The following SORL1 variants were observed in gnomAD, a reference collection of about 807,000 sequenced individuals.
SORL1 encodes sortilin-related receptor.
Under a neutral mutation model 273.7 loss-of-function variants are expected in SORL1, and 127 were observed. The observed-to-expected ratio is 0.46, with a 90% CI of 0.40 to 0.54. The LOEUF is 0.54. Among genes scored for constraint, SORL1 ranks in the 20% least tolerant of loss-of-function variants. SORL1 has a pLI of 0.00. For synonymous variants in SORL1, 1,031 were observed against 1,067.4 expected (o/e 0.97, Z 0.66); for missense variants, 2,494 against 2,846.1 (o/e 0.88, Z 2.81).
At chr11:121,494,675 G>C (rs972430498) in intron 5 of SORL1, among the ~76,000 whole-genome samples, 1 of 152,216 alleles carries the variant, frequency 6.6e-6, no homozygotes, top group Non-Finnish European at 1.5e-5. Flanking sequence ...GCAGCTTGCA[G>C]AAATGGGAGG....
intron 3 of SORL1, among the ~76,000 whole-genome samples, chr11:121,479,577 C>T (rs2134797047): frequency 6.6e-6 from 1 of 152,244 alleles, no homozygotes; most frequent in Admixed American, 6.5e-5. Flanking sequence ...CTGGAGGAGG[C>T]TGGGTCCTGG....
intron 2 of SORL1, among the ~76,000 whole-genome samples, chr11:121,473,280 G>A (rs1861200806): frequency 6.6e-6 from 1 of 152,074 alleles, no homozygotes; most frequent in South Asian, 2.1e-4. Context: ...CCAAAGTCAT[G>A]CATATTCAGT....
Position 121,567,088 on chromosome 11 carries a change from C to A in SORL1, c.3198C>A (p.Leu1066=). 6.2e-7 allele frequency: 1 copy of A among 1,613,948 alleles called. No homozygotes were observed. The part of the protein sequence containing the change: ...LMCDCPQGYQ[L]KNNTCVKQEN... ...GTGACTGCCCTCAGGGCTATCAGCT[C>A]AAGAACAATACCTGTGTCAAACAAG... Residue 1066 remains leucine (L), a synonymous_variant, in exon 22 of 48, where the codon CTC becomes CTA. Coordinates refer to ENST00000260197, the MANE Select transcript of SORL1 (RefSeq NM_003105.6).
intron 39 of SORL1, chr11:121,612,038 G>A (rs776662761): frequency 6.6e-6 from 1 of 152,460 alleles, no homozygotes; most frequent in Non-Finnish European, 1.5e-5. Flanking sequence ...CTACTTGGAG[G>A]CTGGGGCAGG....
chr11:121,627,474 G>C lies in SORL1; in HGVS notation c.6365-81G>C. 5.2e-6 allele frequency: 6 copies of C among 1,148,916 alleles called. 1 individual carries two copies. The highest frequency in any genetic ancestry group is 5.2e-6 in the Non-Finnish European group (4 of 774,456). The allele number at this position is 1,148,916 out of a possible 1,614,324, so 71.2% of individuals were successfully genotyped here. On this transcript the variant is annotated intron_variant, in intron 46 of 47. Coordinates refer to ENST00000260197, the MANE Select transcript of SORL1 (RefSeq NM_003105.6). This position sits in a 1 kb window ranked among gnomAD's most constrained non-coding sequence, Gnocchi z 4.9. Reference sequence around the variant, plus strand: ...CTGTGGCTATCGCCCAGCTTTTTTTGGTGGGTGGGGCCTTGAGGAGTCATC... The same window carrying C: ...CTGTGGCTATCGCCCAGCTTTTTTTCGTGGGTGGGGCCTTGAGGAGTCATC...
chr11:121,476,005 A>G (rs1861261874), intron 2 of SORL1, among the ~76,000 whole-genome samples: 2 of 152,234 alleles, frequency 1.3e-5, no homozygotes, highest in Non-Finnish European at 2.9e-5. Context: ...GGTTTTTCAG[A>G]TGAAGAGAGA....
At chr11:121,511,763 T>C (rs546470943) in intron 6 of SORL1, among the ~76,000 whole-genome samples, 1 of 152,354 alleles carries the variant, frequency 6.6e-6, no homozygotes, top group South Asian at 2.1e-4. Context: ...CTTTATCAGC[T>C]GGGTCCTCAC....
At chr11:121,509,419 A>G (rs934882483) in intron 6 of SORL1, among the ~76,000 whole-genome samples, 1 of 152,088 alleles carries the variant, frequency 6.6e-6, no homozygotes, top group Non-Finnish European at 1.5e-5. Context: ...TCTTGACACA[A>G]TCTCAAATAT....
intron 6 of SORL1, among the ~76,000 whole-genome samples, chr11:121,498,683 C>T (rs1465790903): frequency 6.6e-6 from 1 of 152,042 alleles, no homozygotes; most frequent in Non-Finnish European, 1.5e-5. Flanking sequence ...TGAGACGAGC[C>T]TGGTCAACAT....
chr11:121,466,919 A>G (rs1190323323), intron 1 of SORL1, among the ~76,000 whole-genome samples: 2 of 152,222 alleles, frequency 1.3e-5, no homozygotes, highest in African/African-American at 4.8e-5. Flanking sequence ...CTTATGAGTA[A>G]AAGGGACATC....
chr11:121,562,451 A>G (rs147133353), intron 21 of SORL1, among the ~76,000 whole-genome samples: 1 of 152,330 alleles, frequency 6.6e-6, no homozygotes, highest in African/African-American at 2.4e-5. Flanking sequence ...AATGTATAAG[A>G]TTTAAATTGC....
rs1398256909 is a variant in SORL1 at position 121,632,780 on chromosome 11, C to CA, written c.*3218dup. On this transcript the variant is annotated 3_prime_UTR_variant, in exon 48 of 48. Transcript: ENST00000260197. The stretch of plus-strand genomic sequence containing the variant: ...ACTGCATCTAGTAAGATTATATTTC[C>CA]AGTACACTTCCTTAGGGCAGAAACA... 2.0e-5 allele frequency: 3 copies of CA among 152,070 alleles called. No homozygotes were observed. Among genetic ancestry groups the CA allele is most frequent in the African/African-American group, 7.2e-5 (3 of 41,380 alleles). 9.4% of individuals were successfully genotyped at this position (152,070 alleles called of 1,614,324 possible). A position where few individuals can be genotyped will look rare whatever the true frequency, so the allele number is the denominator to read the frequency against.
At position 121,627,263 on chromosome 11, in the gene SORL1, C is replaced by T. The variant is rs1457770147; in HGVS notation, c.6365-292C>T. ...GCTAATGAAATCAATGTTGATACCC[C>T]AACAAAGGTCTCCCTTCCAAGAGAT... is the stretch of plus-strand genomic sequence containing the variant. On this transcript the variant is annotated intron_variant, in intron 46 of 47. Transcript: ENST00000260197. The surrounding 1 kb of genome is among the most constrained non-coding windows in gnomAD (Gnocchi z 4.9). The T allele has an allele frequency of 1.5e-5, 6 of 400,286 alleles. No homozygotes were observed. The highest frequency in any genetic ancestry group is 2.3e-5 in the Non-Finnish European group (5 of 219,692). The allele number at this position is 400,286 out of a possible 1,614,324, so 24.8% of individuals were successfully genotyped here. A position where few individuals can be genotyped will look rare whatever the true frequency, so the allele number is the denominator to read the frequency against.
chr11:121,567,210 T>C (rs1376118354), intron 22 of SORL1, 97 bp downstream of exon 22: 3 of 1,070,396 alleles, frequency 2.8e-6, no homozygotes, highest in African/African-American at 3.1e-5. Context: ...CCTAACCTTT[T>C]CGTGTTATTG....
intron 1 of SORL1, among the ~76,000 whole-genome samples, chr11:121,453,953 G>A (rs1269419183): frequency 6.6e-6 from 1 of 152,190 alleles, no homozygotes; most frequent in Non-Finnish European, 1.5e-5. Flanking sequence ...GTGGTGACTG[G>A]GTGGGAGCGT....
chr11:121,534,919 C>T (rs1862247128), intron 12 of SORL1, among the ~76,000 whole-genome samples: 1 of 152,194 alleles, frequency 6.6e-6, no homozygotes, highest in African/African-American at 2.4e-5. Flanking sequence ...TGGCATTGAT[C>T]ATATTCTGAC....
chr11:121,553,761 A>T (rs1003683673), intron 16 of SORL1, among the ~76,000 whole-genome samples, 176 bp from the exon 17 acceptor site: 1 of 152,258 alleles, frequency 6.6e-6, no homozygotes, highest in Non-Finnish European at 1.5e-5. Flanking sequence ...TGCCTGAGGC[A>T]GAAATGTGAT....
chr11:121,471,400 G>A (rs1308704020), intron 2 of SORL1, among the ~76,000 whole-genome samples: 1 of 152,250 alleles, frequency 6.6e-6, no homozygotes, highest in Admixed American at 6.5e-5. Context: ...TAAAACACAT[G>A]TAAGGGCCAA....
At chr11:121,524,448 G>T (rs917455555) in intron 11 of SORL1, among the ~76,000 whole-genome samples, 3 of 152,240 alleles carry the variant, frequency 2.0e-5, no homozygotes, top group Admixed American at 1.3e-4. Flanking sequence ...GTGCATAAGA[G>T]ACCTTATTTT....
Sources: gnomAD v4.1 joint callset for allele counts (sites outside exome capture counted in the v4.1 genomes callset) on GRCh38, gnomAD v4.1.1 for gene constraint, Gnocchi (gnomAD v3.1) non-coding constraint, MANE v1.5 for transcripts, NCBI Gene and HGNC (gene_info 2026-07-23, HGNC 2026-07-21) for gene names.